Variants in SF3B2 observed in about 807,000 individuals in gnomAD.
The protein encoded by SF3B2 is SAP 145.
Under a neutral mutation model 116.3 loss-of-function variants are expected in SF3B2, and 22 were observed. That is an observed-to-expected ratio of 0.19 (90% CI 0.14 to 0.27). The LOEUF is 0.27. Ranked by LOEUF, SF3B2 falls within the 10% of genes least tolerant of loss-of-function variation. The probability of loss-of-function intolerance (pLI) is 1.00; values close to 1 mark genes in which losing one functional copy is unlikely to be tolerated. For synonymous variants in SF3B2, 406 were observed against 421.6 expected (o/e 0.96, Z 0.45); for missense variants, 767 against 1,151.4 (o/e 0.67, Z 4.83).
chr11:66,057,468 G>A (rs2135042980), intron 7 of SF3B2, 93 bp downstream of exon 7: 2 of 706,690 alleles, frequency 2.8e-6, no homozygotes, highest in Non-Finnish European at 5.1e-6. Context: ...GTGAGAAGAT[G>A]GGGGGACTTA....
rs1246084121 is a variant in SF3B2, at chr11:66,059,682, G to C, written c.1401+87G>C. On this transcript the variant is annotated intron_variant, in intron 12 of 21. Transcript: ENST00000322535. This position sits in a 1 kb window ranked among gnomAD's most constrained non-coding sequence, Gnocchi z 5.0. ...GGGAGGTGAAAAGGAGTTCTTTGAAGGAGGTGTGGGTGATTTGGGTTTGGG... is the reference window on the plus strand; with the variant it reads ...GGGAGGTGAAAAGGAGTTCTTTGAACGAGGTGTGGGTGATTTGGGTTTGGG... 6.3e-7 allele frequency: 1 copy of C among 1,587,446 alleles called. No homozygotes were observed. Among genetic ancestry groups the C allele is most frequent in the Non-Finnish European group, 8.6e-7 (1 of 1,156,414 alleles).
At chr11:66,068,627 G>A (rs370091941) in intron 21 of SF3B2, 47 bp from the exon 22 acceptor site, 6 of 1,556,686 alleles carry the variant, frequency 3.9e-6, no homozygotes, top group South Asian at 1.1e-5. Context: ...TGGGGGTCCG[G>A]GGGTGGTTCA....
chr11:66,055,597 C>A lies in SF3B2; in HGVS notation c.549+12C>A. 1 of 1,613,676 alleles carries A rather than the reference C, an allele frequency of 6.2e-7. No individual in the cohort carries two copies. The stretch of plus-strand genomic sequence containing the variant: ...AGCAGCAGAAGCGGGTAATACCCCT[C>A]CCCCTAACCTTTGACCTCGTGGTCC... On this transcript the variant is annotated intron_variant, in intron 5 of 21. Transcript: ENST00000322535.
chr11:66,063,305 G>A (rs1857127440), intron 17 of SF3B2, 95 bp from the exon 18 acceptor site: 1 of 1,255,382 alleles, frequency 8.0e-7, no homozygotes, highest in Non-Finnish European at 1.1e-6. Context: ...AGGGATTATT[G>A]TGTTTTGACT....
At position 66,068,705 on chromosome 11, in the gene SF3B2, G is replaced by A; in HGVS notation, c.2648G>A (p.Ser883Asn). The change falls in exon 22 of 22, where the codon AGC becomes AAC. Residue 883 changes from serine (S) to asparagine (N), a missense_variant. Physicochemically the swap from Ser to Asn is conservative, Grantham distance 46. Coordinates refer to ENST00000322535, the MANE Select transcript of SF3B2 (RefSeq NM_006842.3). ...QKKRKAQPQD[S>N]RGGSKKYKEF... ...AAACGGAAAGCTCAGCCCCAGGACA[G>A]CCGTGGGGGCAGCAAGAAATATAAG... 6.2e-7 allele frequency: 1 copy of A among 1,614,092 alleles called. No homozygotes were observed. The highest frequency in any genetic ancestry group is 8.5e-7 in the Non-Finnish European group (1 of 1,180,008).
At chr11:66,052,631 C>T in intron 1 of SF3B2, 42 bp from the exon 2 acceptor site, 1 of 1,592,934 alleles carries the variant, frequency 6.3e-7, no homozygotes, top group Non-Finnish European at 8.5e-7. Flanking sequence ...CCTGACCTGG[C>T]CGGGCTGGCC....
At position 66,058,372 on chromosome 11, in the gene SF3B2, TGAG is replaced by T; in HGVS notation, c.939_941del (p.Glu313del). On this transcript the variant is annotated inframe_deletion, in exon 9 of 22. Transcript: ENST00000322535. ...CCCTGGGCCAGTCAGCGTCAGAGACTGAGGAGGACACAGTGTCCGTATCTAAAA... is the reference window on the plus strand; with the variant it reads ...CCCTGGGCCAGTCAGCGTCAGAGACTGAGGACACAGTGTCCGTATCTAAAA... The T allele has an allele frequency of 6.2e-7, 1 of 1,614,020 alleles. No homozygotes were observed. The highest frequency in any genetic ancestry group is 8.5e-7 in the Non-Finnish European group (1 of 1,179,972).
At chr11:66,066,316 C>G (rs986172609) in intron 19 of SF3B2, 1 of 150,760 alleles carries the variant, frequency 6.6e-6, no homozygotes, top group Non-Finnish European at 1.5e-5. Context: ...TTTTCTTTTC[C>G]TTTCTTTTTT....
In SF3B2 at chr11:66,061,876, C is replaced by T; in HGVS notation, c.1870-15C>T. 1 of 1,610,420 alleles carries T rather than the reference C, an allele frequency of 6.2e-7. No individual in the cohort carries two copies. Among genetic ancestry groups the T allele is most frequent in the Non-Finnish European group, 8.5e-7 (1 of 1,176,976 alleles). The stretch of plus-strand genomic sequence containing the variant: ...AGGGTTTGGCAGATGGTATCCTGTT[C>T]TCTTTTTCCTGCAGAATGCCCACAA... On this transcript the variant is annotated splice_polypyrimidine_tract_variant and intron_variant, in intron 15 of 21. Coordinates refer to ENST00000322535, the MANE Select transcript of SF3B2 (RefSeq NM_006842.3).
chr11:66,056,399 C>CA (rs34575917), intron 5 of SF3B2, among the ~76,000 whole-genome samples: 17,287 of 51,792 alleles, frequency 0.33, 2,813 homozygotes, highest in Non-Finnish European at 0.37. Context: ...GACTCTGTCT[C>CA]AAAAAAAAAA....
chr11:66,056,812 T>C, intron 5 of SF3B2, 26 bp from the exon 6 acceptor site: 1 of 1,573,600 alleles, frequency 6.4e-7, no homozygotes, highest in Non-Finnish European at 8.7e-7. Context: ...TTTCAGGCAG[T>C]ATCTACTCCC....
At position 66,057,259 on chromosome 11, in the gene SF3B2, C is replaced by T; in HGVS notation, c.668-7C>T. 2 of 1,546,532 alleles carry T rather than the reference C, an allele frequency of 1.3e-6. No individual in the cohort carries two copies. Among genetic ancestry groups the T allele is most frequent in the South Asian group, 1.1e-5 (1 of 89,734 alleles). Reference sequence around the variant, plus strand: ...CTGACATTGGATTTCTTTTTCCCGTCTCTTAGTAGCTGCTCCAGTGGGCCC... The same window carrying T: ...CTGACATTGGATTTCTTTTTCCCGTTTCTTAGTAGCTGCTCCAGTGGGCCC... On this transcript the variant is annotated splice_polypyrimidine_tract_variant and splice_region_variant and intron_variant, in intron 6 of 21. Transcript: ENST00000322535.
At chr11:66,067,806 G>T in intron 19 of SF3B2, 140 bp from the exon 20 acceptor site, 1 of 683,454 alleles carries the variant, frequency 1.5e-6, no homozygotes, top group East Asian at 2.5e-5. Context: ...GTCATGGGCA[G>T]AACTGCAGAG....
chr11:66,053,398 G>T (rs1565085868), intron 3 of SF3B2: 2 of 436,388 alleles, frequency 4.6e-6, no homozygotes, highest in East Asian at 8.7e-5. Flanking sequence ...GCAGCTTGTG[G>T]CCGGGTGCAG....
intron 2 of SF3B2, 26 bp from the exon 3 acceptor site, chr11:66,053,001 G>A (rs1856913997): frequency 1.2e-6 from 2 of 1,611,470 alleles, no homozygotes; most frequent in Non-Finnish European, 1.7e-6. Flanking sequence ...GTTTTGGACT[G>A]ACCTAGAGTC....
rs112398687 is a variant in SF3B2 at position 66,068,204 on chromosome 11, G to T, written c.2487G>T (p.Ala829=). ...PELQGVEVAL[A]PEELELDPMA... ...TGCAAGGTGTGGAAGTGGCGCTGGCGCCTGAAGAGTTGGAGCTGGATCCTA... is the reference window on the plus strand; with the variant it reads ...TGCAAGGTGTGGAAGTGGCGCTGGCTCCTGAAGAGTTGGAGCTGGATCCTA... Residue 829 remains alanine, a synonymous_variant, in exon 21 of 22, where the codon GCG becomes GCT. Coordinates refer to ENST00000322535, the MANE Select transcript of SF3B2 (RefSeq NM_006842.3). The T allele has an allele frequency of 1.2e-5, 20 of 1,614,136 alleles. No homozygotes were observed. In the Admixed American group the frequency reaches 3.0e-4, roughly 24 times the overall value.
chr11:66,060,158 T>C, intron 13 of SF3B2, 149 bp downstream of exon 13: 1 of 740,428 alleles, frequency 1.4e-6, no homozygotes. Context: ...CTGCTCTTCC[T>C]CCCCTCTGCC....
intron 19 of SF3B2, chr11:66,066,988 G>A (rs192240550): frequency 5.5e-6 from 1 of 180,718 alleles, no homozygotes; most frequent in East Asian, 1.5e-4. Context: ...ACTCTCAGGT[G>A]TGGTATGCTG....
chr11:66,061,221 C>A (rs1447880040), intron 14 of SF3B2, among the ~76,000 whole-genome samples: 2 of 152,212 alleles, frequency 1.3e-5, no homozygotes, highest in Non-Finnish European at 2.9e-5. Context: ...CTGGTGGCTT[C>A]TTTCCCTGAT....
Sources: gnomAD v4.1 joint callset for allele counts (sites outside exome capture counted in the v4.1 genomes callset) on GRCh38, gnomAD v4.1.1 for gene constraint, Gnocchi (gnomAD v3.1) non-coding constraint, MANE v1.5 for transcripts, NCBI Gene and HGNC (gene_info 2026-07-23, HGNC 2026-07-21) for gene names.